USP31: variants seen among roughly 807,000 people sequenced by gnomAD.
USP31 encodes ubiquitin carboxyl-terminal hydrolase 31.
Under a neutral mutation model 119.4 loss-of-function variants are expected in USP31, and 44 were observed. The ratio of observed to expected loss-of-function variants is 0.37; its 90% confidence interval spans 0.29 to 0.47. The LOEUF (loss-of-function observed/expected upper bound fraction) is 0.47, where lower values mean the gene tolerates loss of function less well. USP31 is among the 20% of genes least tolerant of loss of function. The pLI is 0.99. For missense variants in USP31, 1,643 were observed against 1,730.2 expected (o/e 0.95, Z 0.89); for synonymous variants, 749 against 705.6 (o/e 1.06, Z -0.97).
rs4968046 is a variant in USP31 at position 23,067,068 on chromosome 16, C to T, written c.*978G>A. 0.17 allele frequency: 25,432 copies of T among 152,194 alleles called. 2,633 individuals are homozygous for T. Among genetic ancestry groups the T allele is most frequent in the Admixed American group, 0.26 (4,015 of 15,282 alleles). The allele number at this position is 152,194 out of a possible 1,614,324, so 9.4% of individuals were successfully genotyped here. On this transcript the variant is annotated 3_prime_UTR_variant, in exon 16 of 16. Transcript: ENST00000219689. ...ACAGACACAGGGCATCGTGGAGCTT[C>T]CCACCTCTAACGGAAAAATGCAACA...
intron 1 of USP31, among the ~76,000 whole-genome samples, chr16:23,144,682 A>G (rs1903455341): frequency 6.6e-6 from 1 of 151,992 alleles, no homozygotes; most frequent in African/African-American, 2.4e-5. Context: ...GGGTTTCACC[A>G]TGTTGTCCAG....
In USP31 at chr16:23,067,375, A is replaced by G. The variant is rs575412710; in HGVS notation, c.*671T>C. Reference sequence around the variant, plus strand: ...CTTCATTTCTACCTCGAAAATGTCTATCTGTGGCAGTAGGAGAAATGACAC... The same window carrying G: ...CTTCATTTCTACCTCGAAAATGTCTGTCTGTGGCAGTAGGAGAAATGACAC... On this transcript the variant is annotated 3_prime_UTR_variant, in exon 16 of 16. Coordinates refer to ENST00000219689, the MANE Select transcript of USP31 (RefSeq NM_020718.4). 1.3e-5 allele frequency: 2 copies of G among 152,794 alleles called. No individual in the cohort carries two copies. The highest frequency in any genetic ancestry group is 4.8e-5 in the African/African-American group (2 of 41,582). The allele number at this position is 152,794 out of a possible 1,614,324, so 9.5% of individuals were successfully genotyped here. A position where few individuals can be genotyped will look rare whatever the true frequency, so the allele number is the denominator to read the frequency against.
In USP31 at chr16:23,068,128, C is replaced by T; in HGVS notation, c.3977G>A (p.Gly1326Asp). 1.9e-6 allele frequency: 3 copies of T among 1,614,206 alleles called. No individual in the cohort carries two copies. The highest frequency in any genetic ancestry group is 1.7e-6 in the Non-Finnish European group (2 of 1,180,044). The part of the protein sequence containing the change: ...LDSGVPSSPG[G>D]RQSAEKSSKK... ...TGAGGATTTCTCTGCAGACTGCCTGCCACCCGGAGACGAGGGAACTCCAGA... is the reference window on the plus strand; with the variant it reads ...TGAGGATTTCTCTGCAGACTGCCTGTCACCCGGAGACGAGGGAACTCCAGA... The change falls in exon 16 of 16, where the codon GGC becomes GAC. Residue 1326 changes from glycine (G) to aspartate (D), a missense_variant. Gly to Asp is a moderately conservative substitution (Grantham distance 94). Transcript: ENST00000219689.
At chr16:23,076,399 A>G (rs1900576948) in intron 13 of USP31, among the ~76,000 whole-genome samples, 1 of 152,202 alleles carries the variant, frequency 6.6e-6, no homozygotes, top group Non-Finnish European at 1.5e-5. Context: ...CATATACTAG[A>G]AAAGTGGTGG....
chr16:23,072,389 G>C (rs773129025), intron 14 of USP31, 192 bp from the exon 15 acceptor site: 13 of 718,420 alleles, frequency 1.8e-5, no homozygotes, highest in Non-Finnish European at 9.4e-6. Context: ...ATGAAAAGAT[G>C]TAAGGCAGAC....
intron 1 of USP31, among the ~76,000 whole-genome samples, chr16:23,129,271 C>A (rs1211588936): frequency 6.6e-6 from 1 of 152,050 alleles, no homozygotes. Flanking sequence ...ATGTATCAAT[C>A]CATTGAAATT....
rs543202426 is a variant in USP31 at position 23,072,584 on chromosome 16, T to C, written c.2336-387A>G. 2.6e-5 allele frequency: 13 copies of C among 505,738 alleles called. No homozygotes were observed. In the East Asian group the frequency reaches 4.0e-4, roughly 15 times the overall value. 31.3% of individuals were successfully genotyped at this position (505,738 alleles called of 1,614,324 possible). ...TTCTAAGCAATTGCAGTAATATTTC[T>C]TACACAAAGAGAAGAGAGGATGCGG... On this transcript the variant is annotated intron_variant, in intron 14 of 15. Transcript: ENST00000219689.
chr16:23,077,316 G>A (rs1201453482), intron 13 of USP31, among the ~76,000 whole-genome samples: 1 of 152,082 alleles, frequency 6.6e-6, no homozygotes, highest in African/African-American at 2.4e-5. Flanking sequence ...GCAGTAAAAT[G>A]AGTTTGAAAA....
Position 23,147,172 on chromosome 16 carries a change from G to A in USP31, c.633+1466C>T, listed in dbSNP as rs538392599. Reference sequence around the variant, plus strand: ...TGCCCAGGCTGGAGTGCAATGGCACGATCTCGGCTCACTGCAACGTCCGCC... The same window carrying A: ...TGCCCAGGCTGGAGTGCAATGGCACAATCTCGGCTCACTGCAACGTCCGCC... On this transcript the variant is annotated intron_variant, in intron 1 of 15. Transcript: ENST00000219689. Among the ~76,000 whole-genome samples the A allele has an allele frequency of 1.5e-3, 225 of 152,202 alleles. 1 individual carries two copies. The highest frequency in any genetic ancestry group is 1.9e-3 in the East Asian group (10 of 5,168).
chr16:23,145,909 A>G (rs1903489657), intron 1 of USP31, among the ~76,000 whole-genome samples: 1 of 152,224 alleles, frequency 6.6e-6, no homozygotes, highest in African/African-American at 2.4e-5. Context: ...ATGAATGTAG[A>G]GTGAAACCTA....
chr16:23,091,827 C>T (rs1383842913), intron 6 of USP31, among the ~76,000 whole-genome samples: 1 of 152,146 alleles, frequency 6.6e-6, no homozygotes, highest in Non-Finnish European at 1.5e-5. Context: ...TAAGCTTAAA[C>T]ACCATAAAGA....
At chr16:23,082,587 T>C (rs1468503537) in intron 11 of USP31, 30 bp from the exon 12 acceptor site, 2 of 1,613,140 alleles carry the variant, frequency 1.2e-6, no homozygotes, top group Non-Finnish European at 1.7e-6. Flanking sequence ...TCCCGTTAAG[T>C]GCCACTTAAT....
intron 12 of USP31, 113 bp from the exon 13 acceptor site, chr16:23,080,284 G>A (rs1900759781): frequency 1.1e-6 from 1 of 869,936 alleles, no homozygotes; most frequent in Admixed American, 3.0e-5. Context: ...TTACCTATCT[G>A]ATGTTTCCCA....
In USP31 at chr16:23,090,694, A is replaced by G. The variant is rs1443586508; in HGVS notation, c.1345T>C (p.Ser449Pro). Residue 449 changes from serine to proline, a missense_variant, in exon 7 of 16, where the codon TCA (serine) becomes CCA (proline). Around this residue, in one of 5 missense-constraint regions of USP31, gnomAD observed 219 missense variants for 226.4 expected, o/e 0.97. Coordinates refer to ENST00000219689, the MANE Select transcript of USP31 (RefSeq NM_020718.4). ...ACAATCTTGTCGCTGCCTGCTCTTG[A>G]TGTGGGAGAATCCATTTTCCCCTGC... ...AKQGKMDSPTSRAGSDKIVLL... is the reference protein window; with the variant it reads ...AKQGKMDSPTPRAGSDKIVLL... 6.2e-7 allele frequency: 1 copy of G among 1,613,948 alleles called. No individual in the cohort carries two copies. The highest frequency in any genetic ancestry group is 1.7e-5 in the Admixed American group (1 of 60,004).
chr16:23,071,863 ACT>A (rs1567224763), intron 15 of USP31, among the ~76,000 whole-genome samples, 180 bp downstream of exon 15: 1 of 152,052 alleles, frequency 6.6e-6, no homozygotes, highest in African/African-American at 2.4e-5. Flanking sequence ...AAAGCAAATG[ACT>A]CTGTTAATAC....
At chr16:23,099,604 T>C (rs748874287) in intron 6 of USP31, among the ~76,000 whole-genome samples, 3 of 152,154 alleles carry the variant, frequency 2.0e-5, no homozygotes, top group Non-Finnish European at 4.4e-5. Context: ...AATTATGGGG[T>C]AAATCTTTAT....
intron 14 of USP31, chr16:23,072,436 G>A: frequency 1.6e-6 from 1 of 611,104 alleles, no homozygotes; most frequent in South Asian, 1.9e-5. Context: ...TAAAATGCAA[G>A]GATAGGGATG....
intron 1 of USP31, among the ~76,000 whole-genome samples, chr16:23,142,222 A>C (rs963166238): frequency 2.6e-5 from 4 of 152,230 alleles, no homozygotes; most frequent in Non-Finnish European, 4.4e-5. Flanking sequence ...CACTTTTACC[A>C]AACTTGGTAA....
chr16:23,146,651 A>C (rs1010386971), intron 1 of USP31, among the ~76,000 whole-genome samples: 12 of 152,184 alleles, frequency 7.9e-5, no homozygotes, highest in Admixed American at 6.5e-4. Context: ...TTTTTCCAAG[A>C]AAAACAGCAT....
Sources: allele counts gnomAD v4.1 joint callset (sites outside exome capture counted in the v4.1 genomes callset), GRCh38; gene constraint gnomAD v4.1.1; regional missense constraint gnomAD v4.1.1; transcripts MANE v1.5; gene names NCBI Gene and HGNC (gene_info 2026-07-23, HGNC 2026-07-21).